Variants in TAFA4 observed in about 807,000 individuals in gnomAD.
The protein encoded by TAFA4 is TAFA chemokine like family member 4.
In TAFA4, 20 loss-of-function variants were observed where a neutral mutation model predicts 21.1. The observed-to-expected ratio is 0.95, with a 90% CI of 0.67 to 1.38. The LOEUF is 1.38. TAFA4 is among the 40% of genes most tolerant of loss of function. The pLI is 0.00. For synonymous variants in TAFA4, 71 were observed against 67.4 expected, an observed-to-expected ratio of 1.05 and a Z score of -0.26; for missense variants, 211 against 180.9, an observed-to-expected ratio of 1.17 and a Z score of -0.95.
intron 1 of TAFA4, among the ~76,000 whole-genome samples, chr3:68,899,601 A>G (rs2089824841): frequency 6.6e-6 from 1 of 152,176 alleles, no homozygotes; most frequent in Non-Finnish European, 1.5e-5. Context: ...TCGAGTCCAC[A>G]GTTTCAAACG....
chr3:68,772,877 C>T (rs1220460029), intron 3 of TAFA4, among the ~76,000 whole-genome samples: 4 of 152,200 alleles, frequency 2.6e-5, no homozygotes, highest in African/African-American at 4.8e-5. Flanking sequence ...TCCATCCATT[C>T]ACTCATCCTA....
rs181959379 is a variant in TAFA4, at chr3:68,922,993, C to T, written c.-123+9247G>A. Among the ~76,000 whole-genome samples the T allele has an allele frequency of 4.8e-4, 73 of 152,278 alleles. 1 individual carries two copies. Among genetic ancestry groups the T allele is most frequent in the Non-Finnish European group, 3.5e-4 (24 of 68,022 alleles). ...CACCCATGAGGAACATGGTTCTAAC[C>T]ATTGCCATTTTCCTTTAAAATAGCA... is the stretch of plus-strand genomic sequence containing the variant. On this transcript the variant is annotated intron_variant, in intron 1 of 5. Transcript: ENST00000295569.
At chr3:68,788,191 C>G (rs538931283) in intron 3 of TAFA4, among the ~76,000 whole-genome samples, 2 of 152,320 alleles carry the variant, frequency 1.3e-5, no homozygotes, top group Non-Finnish European at 2.9e-5. Flanking sequence ...GGCAGTATCT[C>G]TATAGCTCCA....
chr3:68,807,974 T>G (rs1279251693), intron 3 of TAFA4, among the ~76,000 whole-genome samples: 1 of 152,210 alleles, frequency 6.6e-6, no homozygotes, highest in Non-Finnish European at 1.5e-5. Context: ...TGTGTCTCCC[T>G]TATAATACAG....
intron 1 of TAFA4, among the ~76,000 whole-genome samples, chr3:68,900,240 T>TTAATAATAATAATAA (rs3048092): frequency 1.5e-5 from 2 of 132,838 alleles, no homozygotes; most frequent in Non-Finnish European, 3.2e-5. Context: ...AGACTCTCTC[T>TTAATAATAATAATAA]TAATAATAAT....
chr3:68,871,177 A>ACCATTTGACCCAGCAATC (rs1224693945), intron 3 of TAFA4, among the ~76,000 whole-genome samples: 2 of 152,104 alleles, frequency 1.3e-5, no homozygotes, highest in Admixed American at 6.5e-5. Context: ...AACCAGAAAT[A>ACCATTTGACCCAGCAATC]CCATTTGACC....
At chr3:68,907,760 G>C (rs953268664) in intron 1 of TAFA4, among the ~76,000 whole-genome samples, 1 of 152,192 alleles carries the variant, frequency 6.6e-6, no homozygotes, top group Non-Finnish European at 1.5e-5. Flanking sequence ...GAAGTCTGAA[G>C]TAGCCACAAC....
chr3:68,795,001 T>TAC (rs3048125), intron 3 of TAFA4, among the ~76,000 whole-genome samples: 46,901 of 143,852 alleles, frequency 0.33, 7,825 homozygotes, highest in Admixed American at 0.46. Flanking sequence ...TGTGTCTCAA[T>TAC]ACACACACAC....
At chr3:68,845,673 T>G (rs773349263) in intron 3 of TAFA4, among the ~76,000 whole-genome samples, 1 of 152,238 alleles carries the variant, frequency 6.6e-6, no homozygotes, top group African/African-American at 2.4e-5. Context: ...TTCCTTTCCA[T>G]GTTTAGTGCT....
intron 3 of TAFA4, among the ~76,000 whole-genome samples, chr3:68,784,405 G>A (rs907837190): frequency 2.0e-5 from 3 of 152,104 alleles, no homozygotes; most frequent in Admixed American, 6.5e-5. Flanking sequence ...GGATGTGTTT[G>A]GAGTTTCTTC....
chr3:68,763,817 T>C (rs968920654), intron 3 of TAFA4, among the ~76,000 whole-genome samples: 3 of 151,506 alleles, frequency 2.0e-5, no homozygotes, highest in African/African-American at 7.3e-5. Flanking sequence ...ATAAATGCTC[T>C]GAGGGGATCT....
chr3:68,757,983 C>G (rs1438607757), intron 3 of TAFA4, among the ~76,000 whole-genome samples: 2 of 152,178 alleles, frequency 1.3e-5, no homozygotes, highest in South Asian at 2.1e-4. Flanking sequence ...GGGGTAGGTA[C>G]TGTTTTTTAC....
chr3:68,748,268 A>G (rs1702495020), intron 4 of TAFA4, among the ~76,000 whole-genome samples: 1 of 152,214 alleles, frequency 6.6e-6, no homozygotes, highest in South Asian at 2.1e-4. Context: ...GTTTTGGCAA[A>G]ATCCTCTCTG....
At chr3:68,746,787 G>A (rs1309432949) in intron 4 of TAFA4, among the ~76,000 whole-genome samples, 2 of 152,102 alleles carry the variant, frequency 1.3e-5, no homozygotes, top group Non-Finnish European at 2.9e-5. Flanking sequence ...TGGAATCTAC[G>A]TTTGTCCTCT....
intron 3 of TAFA4, among the ~76,000 whole-genome samples, chr3:68,812,210 C>T (rs1032194132): frequency 6.6e-5 from 10 of 152,204 alleles, no homozygotes; most frequent in Admixed American, 5.9e-4. Context: ...GTACCAGCTA[C>T]TGCAAAAACA....
chr3:68,872,813 A>G (rs948319496), intron 3 of TAFA4, among the ~76,000 whole-genome samples: 5 of 152,156 alleles, frequency 3.3e-5, no homozygotes, highest in Non-Finnish European at 7.3e-5. Flanking sequence ...CACTTCCAGG[A>G]AGAAGAAACT....
At chr3:68,789,634 A>T (rs944480956) in intron 3 of TAFA4, among the ~76,000 whole-genome samples, 2 of 152,110 alleles carry the variant, frequency 1.3e-5, no homozygotes, top group Non-Finnish European at 2.9e-5. Flanking sequence ...ATGACATGTT[A>T]TGCTTTATTT....
chr3:68,878,965 TCTTCTGTGTCTCTTAG>T (rs1201893634), intron 3 of TAFA4, among the ~76,000 whole-genome samples: 1 of 152,134 alleles, frequency 6.6e-6, no homozygotes, highest in East Asian at 1.9e-4. Flanking sequence ...TTCCCACCTT[TCTTCTGTGTCTCTTAG>T]CCAGGTAGGT....
At chr3:68,852,765 T>G (rs994150124) in intron 3 of TAFA4, among the ~76,000 whole-genome samples, 1 of 152,166 alleles carries the variant, frequency 6.6e-6, no homozygotes, top group Non-Finnish European at 1.5e-5. Context: ...CAAACATTAT[T>G]ATGTCACCCT....
Sources: allele counts gnomAD v4.1 joint callset (sites outside exome capture counted in the v4.1 genomes callset), GRCh38; gene constraint gnomAD v4.1.1; transcripts MANE v1.5; gene names NCBI Gene and HGNC (gene_info 2026-07-23, HGNC 2026-07-21).